Variants in LAMA2 observed in about 807,000 individuals in gnomAD.
LAMA2 encodes the protein laminin subunit alpha-2.
LAMA2 carries 269 observed loss-of-function variants against 364.8 expected under a neutral mutation model. That is an observed-to-expected ratio of 0.74 (90% CI 0.67 to 0.82). The LOEUF is 0.82. Ranked by LOEUF, LAMA2 falls within the 40% of genes least tolerant of loss-of-function variation. The pLI, the probability that LAMA2 is intolerant of heterozygous loss-of-function variation, is 0.00. For missense variants in LAMA2, 3,807 were observed against 3,873.2 expected (o/e 0.98, Z 0.45); for synonymous variants, 1,379 against 1,370.6 (o/e 1.01, Z -0.14).
chr6:129,148,490 G>C (rs6569584), intron 6 of LAMA2, among the ~76,000 whole-genome samples: 50,937 of 151,964 alleles, frequency 0.34, 12,038 homozygotes, highest in African/African-American at 0.68. Flanking sequence ...GCCAATTCCA[G>C]GTGGTAAATT....
chr6:129,278,838 T>TA (rs1788510018), intron 17 of LAMA2, among the ~76,000 whole-genome samples: 1 of 152,184 alleles, frequency 6.6e-6, no homozygotes, highest in Non-Finnish European at 1.5e-5. Flanking sequence ...CTGGTCCTAA[T>TA]ACCTTGCTAG....
At chr6:128,969,012 G>T (rs899872102) in intron 1 of LAMA2, among the ~76,000 whole-genome samples, 1 of 152,152 alleles carries the variant, frequency 6.6e-6, no homozygotes, top group African/African-American at 2.4e-5. Context: ...ACTTTGGTAG[G>T]TTCGGTTTCT....
intron 8 of LAMA2, among the ~76,000 whole-genome samples, chr6:129,155,047 A>G (rs973141180): frequency 9.2e-5 from 14 of 152,346 alleles, no homozygotes; most frequent in African/African-American, 3.4e-4. Flanking sequence ...GTTAAGATTT[A>G]TCCATGTTGT....
At chr6:128,928,105 TCTC>T (rs1779210838) in intron 1 of LAMA2, among the ~76,000 whole-genome samples, 1 of 152,172 alleles carries the variant, frequency 6.6e-6, no homozygotes, top group Non-Finnish European at 1.5e-5. Flanking sequence ...AACAATTCCT[TCTC>T]CTCTACGGTA....
chr6:129,423,646 C>T (rs894291373), intron 40 of LAMA2, among the ~76,000 whole-genome samples: 17 of 152,042 alleles, frequency 1.1e-4, no homozygotes, highest in African/African-American at 4.1e-4. Flanking sequence ...GAAAATCAGT[C>T]ATTTCAAAGA....
At chr6:128,940,564 A>G (rs1371848301) in intron 1 of LAMA2, among the ~76,000 whole-genome samples, 1 of 152,214 alleles carries the variant, frequency 6.6e-6, no homozygotes, top group Admixed American at 6.5e-5. Flanking sequence ...AATAAAGATT[A>G]TATCATATTT....
At chr6:128,963,259 A>G (rs996933017) in intron 1 of LAMA2, among the ~76,000 whole-genome samples, 3 of 152,158 alleles carry the variant, frequency 2.0e-5, no homozygotes, top group African/African-American at 7.2e-5. Context: ...GTTGTTCACA[A>G]CTGGCCCACA....
intron 28 of LAMA2, among the ~76,000 whole-genome samples, chr6:129,323,649 A>G (rs374597337): frequency 1.3e-4 from 20 of 152,310 alleles, no homozygotes; most frequent in Middle Eastern, 3.4e-3. Context: ...GTGACATTAA[A>G]TATAGGTTAT....
intron 3 of LAMA2, among the ~76,000 whole-genome samples, chr6:129,073,983 A>G (rs527300478): frequency 6.6e-6 from 1 of 152,248 alleles, no homozygotes; most frequent in East Asian, 1.9e-4. Context: ...TTCTGTCAAG[A>G]GTTAGTGTAG....
chr6:129,165,491 T>C lies in LAMA2; in HGVS notation c.1207-85T>C. ...ATTTGCTGCTCTGTATTATTAAAAC[T>C]ACTTTGTCTATAAAAGTTTGCTGAA... On this transcript the variant is annotated intron_variant, in intron 8 of 64. Transcript: ENST00000421865. The C allele has an allele frequency of 9.9e-6, 8 of 806,548 alleles. No homozygotes were observed. The South Asian group carries it at 1.2e-4, about 12-fold the overall frequency. 50.0% of individuals were successfully genotyped at this position (806,548 alleles called of 1,614,324 possible).
At chr6:129,276,557 C>G (rs770082970) in intron 17 of LAMA2, among the ~76,000 whole-genome samples, 7 of 152,006 alleles carry the variant, frequency 4.6e-5, no homozygotes, top group Non-Finnish European at 8.8e-5. Context: ...CAGAAGGACC[C>G]ACAGAAGAAG....
intron 35 of LAMA2, among the ~76,000 whole-genome samples, chr6:129,384,373 C>T (rs1444402774): frequency 6.6e-6 from 1 of 152,216 alleles, no homozygotes; most frequent in Non-Finnish European, 1.5e-5. Context: ...AGGCCCTAGT[C>T]AATGCTCCAG....
intron 62 of LAMA2, among the ~76,000 whole-genome samples, chr6:129,508,809 G>T (rs1583934383): frequency 6.6e-6 from 1 of 152,124 alleles, no homozygotes; most frequent in South Asian, 2.1e-4. Context: ...ATTGTAACTA[G>T]TGCTGCAATA....
chr6:129,247,610 G>A (rs1785848480), intron 12 of LAMA2, among the ~76,000 whole-genome samples: 1 of 152,158 alleles, frequency 6.6e-6, no homozygotes, highest in African/African-American at 2.4e-5. Context: ...TCTAGTAACA[G>A]TATCCTGAAA....
rs77844344 is a variant in LAMA2 at position 129,409,983 on chromosome 6, G to A, written c.5865+6024G>A. Among the ~76,000 whole-genome samples, 2,243 of 152,196 alleles carry A rather than the reference G, an allele frequency of 0.015. 119 individuals are homozygous for A. In the East Asian group the frequency reaches 0.19, roughly 13 times the overall value. On this transcript the variant is annotated intron_variant, in intron 40 of 64. Coordinates refer to ENST00000421865, the MANE Select transcript of LAMA2 (RefSeq NM_000426.4). ...GATTTTCTATGACGTTGACTCCTTG[G>A]AATGACCACCAGAGGCAATAAGCAC...
In LAMA2 at chr6:129,192,863, C is replaced by T. The variant is rs200030296; in HGVS notation, c.1782+10C>T. The stretch of plus-strand genomic sequence containing the variant: ...CTATCTGGGAAACAAAGTAAGTCCA[C>T]GCTTGCTTCCCGCTATTCTGCTTTA... On this transcript the variant is annotated intron_variant, in intron 12 of 64. Coordinates refer to ENST00000421865, the MANE Select transcript of LAMA2 (RefSeq NM_000426.4). 905 of 1,612,562 alleles carry T rather than the reference C, an allele frequency of 5.6e-4. 1 individual carries two copies. The highest frequency in any genetic ancestry group is 7.1e-4 in the Non-Finnish European group (832 of 1,179,000).
chr6:129,006,827 C>T (rs1784468068), intron 1 of LAMA2, among the ~76,000 whole-genome samples: 1 of 152,164 alleles, frequency 6.6e-6, no homozygotes, highest in South Asian at 2.1e-4. Context: ...TTCTCACTGA[C>T]ATTTTATGCT....
In LAMA2 at chr6:129,190,363, G is replaced by C. The variant is rs369276423; in HGVS notation, c.1608+18G>C. Reference sequence around the variant, plus strand: ...ATGGCAAAGTAAGCAAGCACCATTTGGTTCTGTTTGCTGCCCCAGCAGCCT... The same window carrying C: ...ATGGCAAAGTAAGCAAGCACCATTTCGTTCTGTTTGCTGCCCCAGCAGCCT... On this transcript the variant is annotated intron_variant, in intron 11 of 64. Coordinates refer to ENST00000421865, the MANE Select transcript of LAMA2 (RefSeq NM_000426.4). 8.7e-6 allele frequency: 14 copies of C among 1,611,798 alleles called. No homozygotes were observed. Among genetic ancestry groups the C allele is most frequent in the Non-Finnish European group, 1.2e-5 (14 of 1,178,428 alleles).
chr6:128,986,672 G>C (rs1483337892), intron 1 of LAMA2, among the ~76,000 whole-genome samples: 2 of 151,416 alleles, frequency 1.3e-5, no homozygotes, highest in African/African-American at 4.9e-5. Context: ...AGATTTCTTA[G>C]CCACGATTTT....
Sources: allele counts gnomAD v4.1 joint callset (sites outside exome capture counted in the v4.1 genomes callset), GRCh38; gene constraint gnomAD v4.1.1; transcripts MANE v1.5; gene names NCBI Gene and HGNC (gene_info 2026-07-23, HGNC 2026-07-21).